Variants in LRP8 observed in about 807,000 individuals in gnomAD.
The protein encoded by LRP8 is LDL receptor related protein 8.
Under a neutral mutation model 111.6 loss-of-function variants are expected in LRP8, and 46 were observed. The ratio of observed to expected loss-of-function variants is 0.41; its 90% CI spans 0.33 to 0.53. LRP8 has a LOEUF of 0.53. LRP8 is among the 20% of genes least tolerant of loss of function. The pLI, the probability that LRP8 is intolerant of heterozygous loss-of-function variation, is 0.20. For synonymous variants in LRP8, 464 were observed against 511.2 expected (o/e 0.91, Z 1.24); for missense variants, 959 against 1,297.4 (o/e 0.74, Z 4.01).
At chr1:53,264,039 A>G in intron 10 of LRP8, 130 bp downstream of exon 10, 1 of 862,294 alleles carries the variant, frequency 1.2e-6, no homozygotes, top group Non-Finnish European at 1.8e-6. Flanking sequence ...GATTAACAAG[A>G]CTTTCTTCCC....
chr1:53,277,865 G>A (rs1191436921), intron 4 of LRP8, among the ~76,000 whole-genome samples: 1 of 152,186 alleles, frequency 6.6e-6, no homozygotes, highest in Non-Finnish European at 1.5e-5. Flanking sequence ...ACTGCCTGGG[G>A]GTGTCCCTCC....
chr1:53,312,157 G>A lies in LRP8; in HGVS notation c.244+14716C>T, dbSNP rs151151087. On this transcript the variant is annotated intron_variant, in intron 2 of 18. Transcript: ENST00000306052. ...GTTATGATTCTCACCACAGTCATAC[G>A]AGGTGAGCAGGGCAGAGATGGGGAA... 1.8e-3 allele frequency among the ~76,000 whole-genome samples: 272 copies of A among 152,258 alleles called. 1 individual carries two copies. Among genetic ancestry groups the A allele is most frequent in the Non-Finnish European group, 2.7e-3 (184 of 68,032 alleles).
intron 2 of LRP8, among the ~76,000 whole-genome samples, chr1:53,313,037 C>T (rs1426918959): frequency 1.3e-5 from 2 of 152,198 alleles, no homozygotes; most frequent in Non-Finnish European, 2.9e-5. Flanking sequence ...GGTCTAGCTG[C>T]AGCCTCAGGG....
At chr1:53,289,073 T>C (rs1274245821) in intron 3 of LRP8, among the ~76,000 whole-genome samples, 1 of 152,194 alleles carries the variant, frequency 6.6e-6, no homozygotes, top group Non-Finnish European at 1.5e-5. Flanking sequence ...TGGGTAGCCT[T>C]GGGCAAGTCA....
In LRP8 at chr1:53,280,621, G is replaced by A. The variant is rs558436036; in HGVS notation, c.462C>T (p.Cys154=). The stretch of plus-strand genomic sequence containing the variant: ...AGCCGGCCTCATCCGCTCCACCCTC[G>A]CAGTCCTTCTCCCCGTCGCAGCGCC... The part of the protein sequence containing the change: ...ASWRCDGEKD[C]EGGADEAGCA... Residue 154 remains cysteine, a synonymous_variant, in exon 4 of 19, where the codon TGC becomes TGT. Coordinates refer to ENST00000306052, the MANE Select transcript of LRP8 (RefSeq NM_004631.5). 5.0e-6 allele frequency: 8 copies of A among 1,613,038 alleles called. No individual in the cohort carries two copies. The South Asian group carries it at 5.5e-5, about 11-fold the overall frequency.
rs1194034022 is a variant in LRP8, at chr1:53,242,709, A to C, written c.*4309T>G. ...AATTTGATGAAGTTTGCAAATCAGCACTTTACCCCCAAATTAACAACAGCT... is the reference window on the plus strand; with the variant it reads ...AATTTGATGAAGTTTGCAAATCAGCCCTTTACCCCCAAATTAACAACAGCT... On this transcript the variant is annotated 3_prime_UTR_variant, in exon 19 of 19. Coordinates refer to ENST00000306052, the MANE Select transcript of LRP8 (RefSeq NM_004631.5). The C allele has an allele frequency of 6.6e-6, 1 of 152,106 alleles. No individual in the cohort carries two copies. The highest frequency in any genetic ancestry group is 2.4e-5 in the African/African-American group (1 of 41,410). The allele number at this position is 152,106 out of a possible 1,614,324, so 9.4% of individuals were successfully genotyped here. A position where few individuals can be genotyped will look rare whatever the true frequency, so the allele number is the denominator to read the frequency against.
At chr1:53,315,281 C>T (rs898254436) in intron 2 of LRP8, among the ~76,000 whole-genome samples, 1 of 152,184 alleles carries the variant, frequency 6.6e-6, no homozygotes, top group Admixed American at 6.5e-5. Flanking sequence ...GCTCCTCCTA[C>T]TCCACCCCGC....
intron 18 of LRP8, among the ~76,000 whole-genome samples, chr1:53,247,851 C>G (rs1645776264): frequency 1.3e-5 from 2 of 152,194 alleles, no homozygotes; most frequent in Admixed American, 6.5e-5. Flanking sequence ...GTTTTCTTCT[C>G]CAGGGTACAC....
rs145292162 is a variant in LRP8 at position 53,302,501 on chromosome 1, G to T, written c.245-12812C>A. Among the ~76,000 whole-genome samples, 304 of 152,156 alleles carry T rather than the reference G, an allele frequency of 2.0e-3. 2 individuals carry two copies. The highest frequency in any genetic ancestry group is 6.7e-3 in the African/African-American group (279 of 41,516). The stretch of plus-strand genomic sequence containing the variant: ...GGGAGATGAGTGACGTCACCACCCC[G>T]GAGTCTAACCAAGACCCATCTCCTT... On this transcript the variant is annotated intron_variant, in intron 2 of 18. Coordinates refer to ENST00000306052, the MANE Select transcript of LRP8 (RefSeq NM_004631.5).
At chr1:53,326,170 T>G (rs1368441338) in intron 2 of LRP8, among the ~76,000 whole-genome samples, 1 of 152,258 alleles carries the variant, frequency 6.6e-6, no homozygotes, top group Non-Finnish European at 1.5e-5. Flanking sequence ...AAGCGCGGTC[T>G]GCTAACCAGG....
rs199547265 is a variant in LRP8 at position 53,257,482 on chromosome 1, T to C, written c.2210-18A>G. On this transcript the variant is annotated intron_variant, in intron 14 of 18. Transcript: ENST00000306052. Reference sequence around the variant, plus strand: ...TTGAGGTGCTGGAGGGGAAATACCATGGAGGTCACTTGGACAGATAATTTT... The same window carrying C: ...TTGAGGTGCTGGAGGGGAAATACCACGGAGGTCACTTGGACAGATAATTTT... The C allele has an allele frequency of 6.3e-7, 1 of 1,598,288 alleles. No individual in the cohort carries two copies. The highest frequency in any genetic ancestry group is 8.6e-7 in the Non-Finnish European group (1 of 1,166,056).
intron 15 of LRP8, among the ~76,000 whole-genome samples, chr1:53,256,853 T>G (rs1361449677): frequency 6.6e-6 from 1 of 152,164 alleles, no homozygotes; most frequent in African/African-American, 2.4e-5. Context: ...CATATACACA[T>G]CAGAACTTTG....
At chr1:53,272,430 C>G (rs1646787467) in intron 6 of LRP8, among the ~76,000 whole-genome samples, 1 of 152,166 alleles carries the variant, frequency 6.6e-6, no homozygotes, top group Non-Finnish European at 1.5e-5. Flanking sequence ...GCGCCCCTCT[C>G]CCCCTCTGCC....
intron 13 of LRP8, 30 bp from the exon 14 acceptor site, chr1:53,258,501 A>T: frequency 6.2e-7 from 1 of 1,610,198 alleles, no homozygotes; most frequent in Non-Finnish European, 8.5e-7. Context: ...CAGCTGGGGC[A>T]CAGACAGGAC....
In LRP8 at chr1:53,289,697, G is replaced by C; in HGVS notation, c.245-8C>G. The C allele has an allele frequency of 6.2e-7, 1 of 1,613,586 alleles. No individual in the cohort carries two copies. The highest frequency in any genetic ancestry group is 1.1e-5 in the South Asian group (1 of 90,996). On this transcript the variant is annotated splice_region_variant and splice_polypyrimidine_tract_variant and intron_variant, in intron 2 of 18. Coordinates refer to ENST00000306052, the MANE Select transcript of LRP8 (RefSeq NM_004631.5). ...CTGCACAGGTCTTCTTGGCTGCAGG[G>C]CAAGGAAGAGAGCGTGGTGAGCCTG...
chr1:53,327,501 A>T (rs1260512094), intron 1 of LRP8: 4 of 333,860 alleles, frequency 1.2e-5, no homozygotes, highest in Admixed American at 5.0e-5. Context: ...CACACAGCTC[A>T]TCCGGAACCA....
At chr1:53,310,779 C>T (rs530671229) in intron 2 of LRP8, among the ~76,000 whole-genome samples, 3 of 152,248 alleles carry the variant, frequency 2.0e-5, no homozygotes, top group African/African-American at 7.2e-5. Flanking sequence ...AGGAGGTATG[C>T]AAGCAGGGGG....
rs569291231 is a variant in LRP8, at chr1:53,243,255, C to G, written c.*3763G>C. On this transcript the variant is annotated 3_prime_UTR_variant, in exon 19 of 19. Coordinates refer to ENST00000306052, the MANE Select transcript of LRP8 (RefSeq NM_004631.5). ...GCCCAACTGGACAGTGATTAGTATC[C>G]CCTCTCCAGACTCAACGTCTTCAAC... 1 of 152,226 alleles carries G rather than the reference C, an allele frequency of 6.6e-6. No homozygotes were observed. The highest frequency in any genetic ancestry group is 1.5e-5 in the Non-Finnish European group (1 of 68,020). The allele number at this position is 152,226 out of a possible 1,614,324, so 9.4% of individuals were successfully genotyped here. A position where few individuals can be genotyped will look rare whatever the true frequency, so the allele number is the denominator to read the frequency against.
intron 16 of LRP8, among the ~76,000 whole-genome samples, chr1:53,254,904 G>A (rs990278961): frequency 9.2e-5 from 14 of 152,236 alleles, no homozygotes; most frequent in African/African-American, 3.4e-4. Flanking sequence ...GGAGATGGGG[G>A]ATGTACCTGG....
Sources: allele counts gnomAD v4.1 joint callset (sites outside exome capture counted in the v4.1 genomes callset), GRCh38; gene constraint gnomAD v4.1.1; transcripts MANE v1.5; gene names NCBI Gene and HGNC (gene_info 2026-07-23, HGNC 2026-07-21).